The following PEX3 variants were observed in gnomAD, a reference collection of about 807,000 sequenced individuals.
PEX3 encodes the protein peroxin-3.
PEX3 carries 30 observed loss-of-function variants against 55.8 expected under a neutral mutation model. That is an observed-to-expected ratio of 0.54 (90% CI 0.40 to 0.73). The LOEUF (loss-of-function observed/expected upper bound fraction) is 0.73. PEX3 is among the 30% of genes least tolerant of loss of function. The probability of loss-of-function intolerance (pLI) is 0.00; values close to 1 mark genes in which losing one functional copy is unlikely to be tolerated. For synonymous variants in PEX3, 135 were observed against 148.4 expected (o/e 0.91, Z 0.66); for missense variants, 351 against 432.8 (o/e 0.81, Z 1.68).
At position 143,459,033 on chromosome 6, in the gene PEX3, G is replaced by A; in HGVS notation, c.74-52G>A. On this transcript the variant is annotated intron_variant, in intron 1 of 11. Coordinates refer to ENST00000367591, the MANE Select transcript of PEX3 (RefSeq NM_003630.3). The surrounding 1 kb of genome is among the most constrained non-coding windows in gnomAD (Gnocchi z 4.2). The stretch of plus-strand genomic sequence containing the variant: ...TTGCATAAAGTAGGTTAAAAATACT[G>A]TGTAGAATTTTTGGTACTCTAATGA... 8.2e-7 allele frequency: 1 copy of A among 1,221,372 alleles called. No homozygotes were observed. The highest frequency in any genetic ancestry group is 1.2e-6 in the Non-Finnish European group (1 of 827,502). 75.7% of individuals were successfully genotyped at this position (1,221,372 alleles called of 1,614,324 possible).
chr6:143,452,279 T>C (rs1324218953), intron 1 of PEX3, among the ~76,000 whole-genome samples: 2 of 152,246 alleles, frequency 1.3e-5, no homozygotes, highest in East Asian at 1.9e-4. Flanking sequence ...TATGTAAATT[T>C]TGAACACCTT....
In PEX3 at chr6:143,485,786, A is replaced by G. The variant is rs374286621; in HGVS notation, c.1038+538A>G. ...CATTTCCATTTGGAATGCATGGAGT[A>G]ATTCAGTAATTCATTGAGTAATTCA... is the stretch of plus-strand genomic sequence containing the variant. On this transcript the variant is annotated intron_variant, in intron 11 of 11. Coordinates refer to ENST00000367591, the MANE Select transcript of PEX3 (RefSeq NM_003630.3). This position sits in a 1 kb window ranked among gnomAD's most constrained non-coding sequence, Gnocchi z 5.6. Among the ~76,000 whole-genome samples, 305 of 152,250 alleles carry G rather than the reference A, an allele frequency of 2.0e-3. No individual in the cohort carries two copies. The highest frequency in any genetic ancestry group is 6.9e-3 in the African/African-American group (287 of 41,560).
rs1241503967 is a variant in PEX3 at position 143,490,415 on chromosome 6, C to G, written c.*1189C>G. Reference sequence around the variant, plus strand: ...CCTGGCTAGGCCTGAAGCTCACTGCCAGGGAGTTTGTGTCTAGAATGTTTT... The same window carrying G: ...CCTGGCTAGGCCTGAAGCTCACTGCGAGGGAGTTTGTGTCTAGAATGTTTT... On this transcript the variant is annotated 3_prime_UTR_variant, in exon 12 of 12. Transcript: ENST00000367591. The surrounding 1 kb of genome is among the most constrained non-coding windows in gnomAD (Gnocchi z 6.0). 1 of 188,064 alleles carries G rather than the reference C, an allele frequency of 5.3e-6. No individual in the cohort carries two copies. The highest frequency in any genetic ancestry group is 2.4e-5 in the African/African-American group (1 of 41,762). The allele number at this position is 188,064 out of a possible 1,614,324, so 11.6% of individuals were successfully genotyped here. A position where few individuals can be genotyped will look rare whatever the true frequency, so the allele number is the denominator to read the frequency against.
chr6:143,454,997 A>G lies in PEX3; in HGVS notation c.73+3882A>G, dbSNP rs1349135074. Among the ~76,000 whole-genome samples, 3 of 152,204 alleles carry G rather than the reference A, an allele frequency of 2.0e-5. No individual in the cohort carries two copies. The highest frequency in any genetic ancestry group is 2.9e-5 in the Non-Finnish European group (2 of 68,038). ...GCTAGAGTTTACTATGGATAAAAAAATCACTTAGGGAGCTTAATAAAACAT... is the reference window on the plus strand; with the variant it reads ...GCTAGAGTTTACTATGGATAAAAAAGTCACTTAGGGAGCTTAATAAAACAT... On this transcript the variant is annotated intron_variant, in intron 1 of 11. Coordinates refer to ENST00000367591, the MANE Select transcript of PEX3 (RefSeq NM_003630.3). This position sits in a 1 kb window ranked among gnomAD's most constrained non-coding sequence, Gnocchi z 4.3.
rs576734949 is a variant in PEX3, at chr6:143,488,493, A to G, written c.1039-650A>G. On this transcript the variant is annotated intron_variant, in intron 11 of 11. Transcript: ENST00000367591. The surrounding 1 kb of genome is among the most constrained non-coding windows in gnomAD (Gnocchi z 4.9). ...AGTTCTGATAACTTCCACAACTGTCATATGACATGAAAATGCCTATGATTT... is the reference window on the plus strand; with the variant it reads ...AGTTCTGATAACTTCCACAACTGTCGTATGACATGAAAATGCCTATGATTT... 5.3e-5 allele frequency among the ~76,000 whole-genome samples: 8 copies of G among 152,254 alleles called. No individual in the cohort carries two copies. The South Asian group carries it at 1.7e-3, about 32-fold the overall frequency.
Position 143,465,307 on chromosome 6 carries a change from T to C in PEX3, c.287+2310T>C, listed in dbSNP as rs953886547. On this transcript the variant is annotated intron_variant, in intron 3 of 11. Transcript: ENST00000367591. This position sits in a 1 kb window ranked among gnomAD's most constrained non-coding sequence, Gnocchi z 4.7. ...TTTTAAAAAAAAATAGCATCAGTATTTAAAAATCTACTTTTAAGGTCTAAT... is the reference window on the plus strand; with the variant it reads ...TTTTAAAAAAAAATAGCATCAGTATCTAAAAATCTACTTTTAAGGTCTAAT... Among the ~76,000 whole-genome samples the C allele has an allele frequency of 6.6e-6, 1 of 152,000 alleles. No homozygotes were observed. Among genetic ancestry groups the C allele is most frequent in the African/African-American group, 2.4e-5 (1 of 41,440 alleles).
chr6:143,463,486 C>A lies in PEX3; in HGVS notation c.287+489C>A, dbSNP rs531021166. Among the ~76,000 whole-genome samples the A allele has an allele frequency of 2.0e-5, 3 of 152,122 alleles. No homozygotes were observed. Among genetic ancestry groups the A allele is most frequent in the Non-Finnish European group, 4.4e-5 (3 of 68,002 alleles). ...CATGCAATACTAATAATTTACATTG[C>A]CATGGCAGTTTGCTGTTTCCAAAAG... On this transcript the variant is annotated intron_variant, in intron 3 of 11. Transcript: ENST00000367591. This position sits in a 1 kb window ranked among gnomAD's most constrained non-coding sequence, Gnocchi z 5.7.
chr6:143,473,706 A>G (rs757788596), intron 8 of PEX3, among the ~76,000 whole-genome samples: 1 of 152,088 alleles, frequency 6.6e-6, no homozygotes. Context: ...TCTAAAAATT[A>G]AAATTAAAAA....
chr6:143,460,590 C>CCCAATAAA (rs1779903872), intron 2 of PEX3, among the ~76,000 whole-genome samples: 1 of 152,146 alleles, frequency 6.6e-6, no homozygotes, highest in Non-Finnish European at 1.5e-5. Context: ...ATGGGCCAGG[C>CCCAATAAA]ATGGTGGCTC....
chr6:143,465,292 A>T lies in PEX3; in HGVS notation c.287+2295A>T, dbSNP rs973532906. Among the ~76,000 whole-genome samples, 1 of 152,018 alleles carries T rather than the reference A, an allele frequency of 6.6e-6. No homozygotes were observed. Among genetic ancestry groups the T allele is most frequent in the African/African-American group, 2.4e-5 (1 of 41,440 alleles). On this transcript the variant is annotated intron_variant, in intron 3 of 11. Coordinates refer to ENST00000367591, the MANE Select transcript of PEX3 (RefSeq NM_003630.3). The surrounding 1 kb of genome is among the most constrained non-coding windows in gnomAD (Gnocchi z 4.7). ...GTAGATTTTGGAGTTTTTTAAAAAA[A>T]AATAGCATCAGTATTTAAAAATCTA...
At position 143,487,007 on chromosome 6, in the gene PEX3, C is replaced by A. The variant is rs1005807707; in HGVS notation, c.1038+1759C>A. Among the ~76,000 whole-genome samples the A allele has an allele frequency of 3.2e-4, 49 of 152,162 alleles. No homozygotes were observed. Among genetic ancestry groups the A allele is most frequent in the African/African-American group, 1.1e-3 (45 of 41,532 alleles). ...GGCCTGCAGGCCATACTTTGCTGAC[C>A]CCTTTGGTAGAAGATATTAGGATGG... On this transcript the variant is annotated intron_variant, in intron 11 of 11. Transcript: ENST00000367591. The surrounding 1 kb of genome is among the most constrained non-coding windows in gnomAD (Gnocchi z 5.3).
chr6:143,467,891 C>G (rs1780013022), intron 3 of PEX3, among the ~76,000 whole-genome samples: 1 of 152,114 alleles, frequency 6.6e-6, no homozygotes, highest in Admixed American at 6.5e-5. Context: ...TCTATCTATA[C>G]ATAACACTCA....
In PEX3 at chr6:143,471,794, C is replaced by G. The variant is rs1780078421; in HGVS notation, c.578+183C>G. 6.6e-6 allele frequency among the ~76,000 whole-genome samples: 1 copy of G among 151,312 alleles called. No individual in the cohort carries two copies. Among genetic ancestry groups the G allele is most frequent in the Non-Finnish European group, 1.5e-5 (1 of 67,824 alleles). On this transcript the variant is annotated intron_variant, in intron 7 of 11. Coordinates refer to ENST00000367591, the MANE Select transcript of PEX3 (RefSeq NM_003630.3). The surrounding 1 kb of genome is among the most constrained non-coding windows in gnomAD (Gnocchi z 5.4). ...CATTTTCTTTATCTTTTTTTTTATA[C>G]AGAGGGGAAAGTTTTAATGTTTCAT...
intron 8 of PEX3, among the ~76,000 whole-genome samples, chr6:143,472,667 G>A (rs1427966142): frequency 6.6e-6 from 1 of 152,212 alleles, no homozygotes; most frequent in East Asian, 1.9e-4. Context: ...GCGTATTTTT[G>A]TATCAGATCA....
At chr6:143,460,721 G>A (rs1171535212) in intron 2 of PEX3, among the ~76,000 whole-genome samples, 4 of 151,980 alleles carry the variant, frequency 2.6e-5, no homozygotes, top group South Asian at 2.1e-4. Flanking sequence ...AAAATTAGCC[G>A]GGCGTGGTGT....
At position 143,474,458 on chromosome 6, in the gene PEX3, C is replaced by CA. The variant is rs569947921; in HGVS notation, c.748-311dup. 8.7e-3 allele frequency among the ~76,000 whole-genome samples: 572 copies of CA among 65,626 alleles called. 3 individuals are homozygous for CA. Among genetic ancestry groups the CA allele is most frequent in the Admixed American group, 0.015 (83 of 5,404 alleles). 43.1% of individuals were successfully genotyped at this position (65,626 alleles called of 152,430 possible). ...TGGGCGACAGAGCGAGACTCCGTCT[C>CA]AAAAAAAAAAAAAAAAACCCAGACC... On this transcript the variant is annotated intron_variant, in intron 8 of 11. Transcript: ENST00000367591.
chr6:143,477,453 C>A (rs962944225), intron 9 of PEX3, among the ~76,000 whole-genome samples: 1 of 151,898 alleles, frequency 6.6e-6, no homozygotes, highest in African/African-American at 2.4e-5. Context: ...ATTTTAAGAA[C>A]AAAGTACTTT....
In PEX3 at chr6:143,479,044, A is replaced by G. The variant is rs767017416; in HGVS notation, c.819-32A>G. 1.4e-6 allele frequency: 2 copies of G among 1,422,260 alleles called. No individual in the cohort carries two copies. Among genetic ancestry groups the G allele is most frequent in the Non-Finnish European group, 2.0e-6 (2 of 1,006,958 alleles). The allele number at this position is 1,422,260 out of a possible 1,614,324, so 88.1% of individuals were successfully genotyped here. ...TTGTTTTCTCTTCCATTCAGAGTCT[A>G]AAAAGTAACTTATACTTCTTACTTT... On this transcript the variant is annotated intron_variant, in intron 9 of 11. Coordinates refer to ENST00000367591, the MANE Select transcript of PEX3 (RefSeq NM_003630.3). The surrounding 1 kb of genome is among the most constrained non-coding windows in gnomAD (Gnocchi z 4.6).
intron 1 of PEX3, among the ~76,000 whole-genome samples, chr6:143,452,300 T>A (rs1307388304): frequency 6.6e-6 from 1 of 152,242 alleles, no homozygotes; most frequent in Non-Finnish European, 1.5e-5. Context: ...CGAGAAATCC[T>A]TTATATATAA....
Sources: allele counts gnomAD v4.1 joint callset (sites outside exome capture counted in the v4.1 genomes callset), GRCh38; gene constraint gnomAD v4.1.1; non-coding constraint Gnocchi (gnomAD v3.1); transcripts MANE v1.5; gene names NCBI Gene and HGNC (gene_info 2026-07-23, HGNC 2026-07-21).